The following AKAP6 variants were observed in gnomAD, a reference collection of about 807,000 sequenced individuals.
AKAP6 encodes the protein A-kinase anchoring protein 6.
A neutral mutation model predicts 188.5 loss-of-function variants in AKAP6; 58 were observed. The observed-to-expected ratio is 0.31, with a 90% confidence interval of 0.25 to 0.38. AKAP6 has a LOEUF of 0.38. Among genes scored for constraint, AKAP6 ranks in the 10% least tolerant of loss-of-function variants. The pLI, the probability that AKAP6 is intolerant of heterozygous loss-of-function variation, is 1.00. For synonymous variants in AKAP6, 989 were observed against 998.6 expected (o/e 0.99, Z 0.18); for missense variants, 2,710 against 2,740.0 (o/e 0.99, Z 0.24).
At chr14:32,788,113 A>G (rs1334767160) in intron 12 of AKAP6, among the ~76,000 whole-genome samples, 3 of 151,828 alleles carry the variant, frequency 2.0e-5, no homozygotes, top group Non-Finnish European at 4.4e-5. Context: ...AGGGCTTGGT[A>G]TTAAATATAA....
intron 2 of AKAP6, among the ~76,000 whole-genome samples, chr14:32,436,925 CA>C (rs953929192): frequency 2.0e-5 from 3 of 152,130 alleles, no homozygotes; most frequent in Admixed American, 2.0e-4. Flanking sequence ...GACTCTGTCT[CA>C]AAAAACTAAA....
chr14:32,837,468 T>A lies in AKAP6; in HGVS notation c.*7663T>A, dbSNP rs928305291. On this transcript the variant is annotated 3_prime_UTR_variant, in exon 14 of 14. Transcript: ENST00000280979. ...TCCTCTTTTAAATCCCAATATTCCC[T>A]AACCACTGGTTTATAAAAAATACTC... The A allele has an allele frequency of 6.6e-6, 1 of 152,192 alleles. No individual in the cohort carries two copies. Among genetic ancestry groups the A allele is most frequent in the Admixed American group, 6.5e-5 (1 of 15,280 alleles). 9.4% of individuals were successfully genotyped at this position (152,192 alleles called of 1,614,324 possible). A position where few individuals can be genotyped will look rare whatever the true frequency, so the allele number is the denominator to read the frequency against.
intron 1 of AKAP6, among the ~76,000 whole-genome samples, chr14:32,417,459 T>C (rs1288119029): frequency 6.6e-6 from 1 of 152,202 alleles, no homozygotes; most frequent in Non-Finnish European, 1.5e-5. Flanking sequence ...TCTCCACGTA[T>C]TTCTCTGTAA....
At chr14:32,695,432 G>A (rs907301205) in intron 8 of AKAP6, among the ~76,000 whole-genome samples, 5 of 152,210 alleles carry the variant, frequency 3.3e-5, no homozygotes, top group African/African-American at 9.7e-5. Context: ...AGTGAAAACA[G>A]TATTTTGGAT....
At chr14:32,709,516 C>A (rs1890953781) in intron 9 of AKAP6, among the ~76,000 whole-genome samples, 1 of 151,950 alleles carries the variant, frequency 6.6e-6, no homozygotes, top group Admixed American at 6.6e-5. Context: ...AGATTTTGTA[C>A]AGTTATTTAG....
chr14:32,540,192 A>ATATATATATATATTTTTT (rs1406480125), intron 3 of AKAP6, among the ~76,000 whole-genome samples: 8 of 123,416 alleles, frequency 6.5e-5, no homozygotes, highest in South Asian at 2.6e-4. Context: ...ATATATATAT[A>ATATATATATATATTTTTT]TTTTAATTTT....
intron 11 of AKAP6, among the ~76,000 whole-genome samples, chr14:32,761,308 C>A (rs144255587): frequency 6.6e-6 from 1 of 152,076 alleles, no homozygotes. Context: ...TTCTTGAATC[C>A]ATTTATTTCC....
chr14:32,536,380 A>G (rs1882679233), intron 3 of AKAP6, among the ~76,000 whole-genome samples: 1 of 152,192 alleles, frequency 6.6e-6, no homozygotes, highest in African/African-American at 2.4e-5. Flanking sequence ...GCATTATCAA[A>G]TACCCAGAGA....
At chr14:32,631,590 T>C (rs1163271763) in intron 7 of AKAP6, among the ~76,000 whole-genome samples, 1 of 152,066 alleles carries the variant, frequency 6.6e-6, no homozygotes, top group Admixed American at 6.6e-5. Context: ...TGGATTCTAT[T>C]TATATTCTTC....
At chr14:32,485,275 G>A (rs1879621116) in intron 2 of AKAP6, among the ~76,000 whole-genome samples, 1 of 151,120 alleles carries the variant, frequency 6.6e-6, no homozygotes, top group South Asian at 2.1e-4. Context: ...ATAAACATAT[G>A]TATGCATGTG....
At chr14:32,728,675 C>T (rs186424432) in intron 9 of AKAP6, among the ~76,000 whole-genome samples, 37 of 152,292 alleles carry the variant, frequency 2.4e-4, no homozygotes, top group African/African-American at 8.4e-4. Flanking sequence ...GTGTGTTTCT[C>T]GCAGCCAAAG....
intron 13 of AKAP6, among the ~76,000 whole-genome samples, chr14:32,829,209 TATAATTGA>T (rs1349882589): frequency 1.3e-5 from 2 of 152,226 alleles, no homozygotes; most frequent in Non-Finnish European, 2.9e-5. Flanking sequence ...GATGTACAAA[TATAATTGA>T]ATCCATCTCG....
chr14:32,835,788 C>CA lies in AKAP6; in HGVS notation c.*5984dup, dbSNP rs1439357382. On this transcript the variant is annotated 3_prime_UTR_variant, in exon 14 of 14. Coordinates refer to ENST00000280979, the MANE Select transcript of AKAP6 (RefSeq NM_004274.5). ...TCTTTCTTAAATTCACCTTTGATAG[C>CA]ACTGCCACACTTCTGGGAAGGGAAC... 6.6e-6 allele frequency: 1 copy of CA among 152,218 alleles called. No individual in the cohort carries two copies. The highest frequency in any genetic ancestry group is 1.5e-5 in the Non-Finnish European group (1 of 68,048). The allele number at this position is 152,218 out of a possible 1,614,324, so 9.4% of individuals were successfully genotyped here.
chr14:32,500,442 C>A (rs1880552713), intron 2 of AKAP6, among the ~76,000 whole-genome samples: 1 of 152,150 alleles, frequency 6.6e-6, no homozygotes, highest in Non-Finnish European at 1.5e-5. Context: ...ATGATCACTT[C>A]CTATACTTCT....
chr14:32,535,470 TA>T, intron 2 of AKAP6, 83 bp from the exon 3 acceptor site: 16 of 1,474,784 alleles, frequency 1.1e-5, no homozygotes, highest in Non-Finnish European at 1.5e-5. Context: ...TGGTGTTAGG[TA>T]AGAGTGTACT....
chr14:32,820,488 T>C (rs1324435211), intron 12 of AKAP6, among the ~76,000 whole-genome samples: 1 of 151,916 alleles, frequency 6.6e-6, no homozygotes, highest in African/African-American at 2.4e-5. Context: ...GAGAGCAGCA[T>C]AAGGGAATCT....
intron 7 of AKAP6, among the ~76,000 whole-genome samples, chr14:32,618,930 A>C (rs1193588907): frequency 6.6e-6 from 1 of 152,084 alleles, no homozygotes; most frequent in African/African-American, 2.4e-5. Flanking sequence ...TTCCCTGATG[A>C]TCAGTGATTT....
At chr14:32,780,384 G>A (rs533297438) in intron 12 of AKAP6, among the ~76,000 whole-genome samples, 1 of 152,118 alleles carries the variant, frequency 6.6e-6, no homozygotes, top group South Asian at 2.1e-4. Flanking sequence ...GAAATGGAAA[G>A]ATGTAGGTCA....
At chr14:32,337,776 A>G (rs1213267719) in intron 1 of AKAP6, among the ~76,000 whole-genome samples, 1 of 146,418 alleles carries the variant, frequency 6.8e-6, no homozygotes, top group Non-Finnish European at 1.5e-5. Context: ...CCTGGATAAC[A>G]GGATTTTTAA....
Sources: gnomAD v4.1 joint callset for allele counts (sites outside exome capture counted in the v4.1 genomes callset) on GRCh38, gnomAD v4.1.1 for gene constraint, MANE v1.5 for transcripts, NCBI Gene and HGNC (gene_info 2026-07-23, HGNC 2026-07-21) for gene names.